The following MYO5B variants were observed in gnomAD, a reference collection of about 807,000 sequenced individuals.
The protein encoded by MYO5B is myosin VB.
MYO5B carries 143 observed loss-of-function variants against 229.3 expected under a neutral mutation model. The ratio of observed to expected loss-of-function variants is 0.62; its 90% CI spans 0.54 to 0.72. MYO5B has a LOEUF of 0.72. Ranked by LOEUF, MYO5B falls within the 30% of genes least tolerant of loss-of-function variation. The probability of loss-of-function intolerance (pLI) is 0.00; values close to 1 mark genes in which losing one functional copy is unlikely to be tolerated. For missense variants in MYO5B, 2,321 were observed against 2,331.0 expected, an observed-to-expected ratio of 1.00 and a Z score of 0.09; for synonymous variants, 918 against 885.2, an observed-to-expected ratio of 1.04 and a Z score of -0.66.
At chr18:49,880,705 A>G (rs956361560) in intron 22 of MYO5B, among the ~76,000 whole-genome samples, 24 of 152,216 alleles carry the variant, frequency 1.6e-4, no homozygotes, top group Non-Finnish European at 8.8e-5. Context: ...AGTCTATCAC[A>G]AGCTCACATG....
In MYO5B at chr18:49,822,912, A is replaced by G. The variant is rs2144002758; in HGVS notation, c.*3559T>C. On this transcript the variant is annotated 3_prime_UTR_variant, in exon 40 of 40. Transcript: ENST00000285039. ...CTATAAACAAAGGTGTAGTTTACAG[A>G]TTTGTGCAAAGTGGGAAAATATTTT... 1 of 152,344 alleles carries G rather than the reference A, an allele frequency of 6.6e-6. No individual in the cohort carries two copies. Among genetic ancestry groups the G allele is most frequent in the East Asian group, 1.9e-4 (1 of 5,196 alleles). 9.4% of individuals were successfully genotyped at this position (152,344 alleles called of 1,614,324 possible). A position where few individuals can be genotyped will look rare whatever the true frequency, so the allele number is the denominator to read the frequency against.
intron 22 of MYO5B, among the ~76,000 whole-genome samples, chr18:49,890,294 G>A (rs1659398389): frequency 6.6e-6 from 1 of 152,186 alleles, no homozygotes; most frequent in Non-Finnish European, 1.5e-5. Context: ...CATAAAACAG[G>A]TGGCTGCATC....
At chr18:50,054,033 A>T (rs1020037126) in intron 2 of MYO5B, among the ~76,000 whole-genome samples, 2 of 151,996 alleles carry the variant, frequency 1.3e-5, no homozygotes, top group Admixed American at 1.3e-4. Flanking sequence ...TGCATGAACT[A>T]CCTCTGCCTG....
chr18:49,834,482 C>T (rs978102270), intron 39 of MYO5B, among the ~76,000 whole-genome samples: 3 of 152,186 alleles, frequency 2.0e-5, no homozygotes, highest in Non-Finnish European at 4.4e-5. Context: ...GTCACAGTTA[C>T]TATCACATGC....
At chr18:50,046,643 C>T (rs1218321293) in intron 2 of MYO5B, among the ~76,000 whole-genome samples, 17 of 152,206 alleles carry the variant, frequency 1.1e-4, no homozygotes, top group Admixed American at 1.1e-3. Flanking sequence ...CACTTACCCT[C>T]ACTACAGTAG....
intron 21 of MYO5B, among the ~76,000 whole-genome samples, chr18:49,901,931 C>T (rs1011040889): frequency 1.3e-5 from 2 of 152,296 alleles, no homozygotes; most frequent in African/African-American, 2.4e-5. Context: ...CCAGTCAAAG[C>T]GCCAGCCCCA....
intron 2 of MYO5B, among the ~76,000 whole-genome samples, chr18:50,046,085 A>G (rs548778480): frequency 6.6e-6 from 1 of 152,366 alleles, no homozygotes. Flanking sequence ...CCATGGAACC[A>G]GAAGATCTAG....
At chr18:49,942,920 A>G (rs1459451468) in intron 14 of MYO5B, among the ~76,000 whole-genome samples, 5 of 152,100 alleles carry the variant, frequency 3.3e-5, no homozygotes, top group African/African-American at 7.2e-5. Context: ...GCACATGTAT[A>G]TTTATTGCGG....
intron 2 of MYO5B, among the ~76,000 whole-genome samples, chr18:50,048,122 A>C (rs903481741): frequency 1.7e-4 from 25 of 151,186 alleles, no homozygotes; most frequent in African/African-American, 4.9e-4. Context: ...CAAAAAAAAA[A>C]ACACAAACAT....
intron 31 of MYO5B, 83 bp from the exon 32 acceptor site, chr18:49,849,743 T>C: frequency 1.8e-6 from 2 of 1,084,370 alleles, no homozygotes; most frequent in East Asian, 4.7e-5. Flanking sequence ...CAGTTGGAGG[T>C]GACCAGTGCG....
intron 1 of MYO5B, among the ~76,000 whole-genome samples, chr18:50,073,934 A>G (rs2031018864): frequency 6.6e-6 from 1 of 151,912 alleles, no homozygotes; most frequent in Non-Finnish European, 1.5e-5. Context: ...ATCCTTCTCC[A>G]TTCACCCTGC....
chr18:50,120,764 T>C (rs576581187), intron 1 of MYO5B, among the ~76,000 whole-genome samples: 2 of 152,204 alleles, frequency 1.3e-5, no homozygotes, highest in East Asian at 3.9e-4. Flanking sequence ...CTACCTCTGG[T>C]TTTAGGGGAG....
chr18:50,155,079 A>G (rs1362476144), intron 1 of MYO5B, among the ~76,000 whole-genome samples: 3 of 152,222 alleles, frequency 2.0e-5, no homozygotes, highest in Admixed American at 6.5e-5. Context: ...TAGCTGTTAA[A>G]AAACAACAAC....
intron 1 of MYO5B, among the ~76,000 whole-genome samples, chr18:50,125,501 C>A (rs1157230999): frequency 6.6e-6 from 1 of 151,804 alleles, no homozygotes; most frequent in African/African-American, 2.4e-5. Context: ...GTACATGTAA[C>A]CTACAACTTA....
intron 4 of MYO5B, among the ~76,000 whole-genome samples, chr18:50,025,755 G>A (rs1035543759): frequency 6.6e-6 from 1 of 152,050 alleles, no homozygotes; most frequent in Non-Finnish European, 1.5e-5. Flanking sequence ...CACTGTAAAG[G>A]TACAATGACA....
intron 21 of MYO5B, among the ~76,000 whole-genome samples, chr18:49,899,334 A>G (rs2024815435): frequency 6.6e-6 from 1 of 152,182 alleles, no homozygotes; most frequent in Non-Finnish European, 1.5e-5. Context: ...TAGAGCTCTA[A>G]TGGAGATTAT....
intron 39 of MYO5B, among the ~76,000 whole-genome samples, chr18:49,834,798 C>T (rs2023967561): frequency 1.3e-5 from 2 of 152,036 alleles, no homozygotes; most frequent in African/African-American, 4.8e-5. Flanking sequence ...ACCACCACGC[C>T]CGGCTAATTT....
Position 49,823,610 on chromosome 18 carries a change from T to C in MYO5B, c.*2861A>G, listed in dbSNP as rs559954528. ...TTGTTTTTACAAAAGCCTTAAAATT[T>C]AGTACTAGGGAAATCAAAGGAAGCA... On this transcript the variant is annotated 3_prime_UTR_variant, in exon 40 of 40. Coordinates refer to ENST00000285039, the MANE Select transcript of MYO5B (RefSeq NM_001080467.3). 1.3e-5 allele frequency: 2 copies of C among 152,384 alleles called. No individual in the cohort carries two copies. The highest frequency in any genetic ancestry group is 4.8e-5 in the African/African-American group (2 of 41,584). 9.4% of individuals were successfully genotyped at this position (152,384 alleles called of 1,614,324 possible). A position where few individuals can be genotyped will look rare whatever the true frequency, so the allele number is the denominator to read the frequency against.
chr18:49,883,531 C>T (rs1310985938), intron 22 of MYO5B, among the ~76,000 whole-genome samples: 1 of 152,130 alleles, frequency 6.6e-6, no homozygotes, highest in Non-Finnish European at 1.5e-5. Flanking sequence ...GATCAAAACA[C>T]TTTTTAAGAT....
Sources: gnomAD v4.1 joint callset for allele counts (sites outside exome capture counted in the v4.1 genomes callset) on GRCh38, gnomAD v4.1.1 for gene constraint, MANE v1.5 for transcripts, NCBI Gene and HGNC (gene_info 2026-07-23, HGNC 2026-07-21) for gene names.